Variants in CRTC1 observed in about 807,000 individuals in gnomAD.
CRTC1 encodes CREB regulated transcription coactivator 1.
CRTC1 carries 18 observed loss-of-function variants against 66.1 expected under a neutral mutation model. The ratio of observed to expected loss-of-function variants is 0.27; its 90% CI spans 0.19 to 0.40. The LOEUF (loss-of-function observed/expected upper bound fraction) is 0.40. Ranked by LOEUF, CRTC1 falls within the 10% of genes least tolerant of loss-of-function variation. The probability of loss-of-function intolerance (pLI) is 1.00; values close to 1 mark genes in which losing one functional copy is unlikely to be tolerated. For missense variants in CRTC1, 669 were observed against 887.9 expected (o/e 0.75, Z 3.13); for synonymous variants, 416 against 398.8 (o/e 1.04, Z -0.51).
intron 1 of CRTC1, among the ~76,000 whole-genome samples, chr19:18,725,831 C>T (rs565488176): frequency 1.3e-5 from 2 of 152,216 alleles, no homozygotes; most frequent in African/African-American, 4.8e-5. Context: ...TCGGCCCTCC[C>T]GTGTTCTGGA....
intron 8 of CRTC1, among the ~76,000 whole-genome samples, chr19:18,763,116 T>C (rs973621560): frequency 1.3e-5 from 2 of 152,188 alleles, no homozygotes; most frequent in Admixed American, 1.3e-4. Context: ...TTTTCTTTTT[T>C]TTGAGACAAA....
rs1276080157 is a variant in CRTC1 at position 18,753,601 on chromosome 19, C to T, written c.624+16C>T. Reference sequence around the variant, plus strand: ...CACCAAGAAGGTAAGAGCCTATGAGCTTTCAAAAACTTTTTTTCTTCTTTC... The same window carrying T: ...CACCAAGAAGGTAAGAGCCTATGAGTTTTCAAAAACTTTTTTTCTTCTTTC... On this transcript the variant is annotated intron_variant, in intron 6 of 13. Transcript: ENST00000321949. 4 of 1,579,074 alleles carry T rather than the reference C, an allele frequency of 2.5e-6. No individual in the cohort carries two copies. Among genetic ancestry groups the T allele is most frequent in the Non-Finnish European group, 1.7e-6 (2 of 1,158,058 alleles).
intron 1 of CRTC1, among the ~76,000 whole-genome samples, chr19:18,688,103 C>T (rs554328440): frequency 6.6e-6 from 1 of 152,086 alleles, no homozygotes; most frequent in Non-Finnish European, 1.5e-5. Context: ...GCATACGGGG[C>T]TGTGTTCTTG....
chr19:18,721,193 C>CTT, intron 1 of CRTC1, among the ~76,000 whole-genome samples: 2 of 131,980 alleles, frequency 1.5e-5, no homozygotes, highest in Non-Finnish European at 3.1e-5. Context: ...AGTTCAACCT[C>CTT]TGTTTTTTTT....
chr19:18,699,499 G>A (rs1430515802), intron 1 of CRTC1, among the ~76,000 whole-genome samples: 1 of 152,154 alleles, frequency 6.6e-6, no homozygotes, highest in African/African-American at 2.4e-5. Context: ...GGGGTGGCCC[G>A]GTGAGTTCTC....
chr19:18,782,276 T>G lies in CRTC1; in HGVS notation c.*4894T>G. On this transcript the variant is annotated 3_prime_UTR_variant, in exon 14 of 14. Transcript: ENST00000321949. ...CCATCCTCTGGCAGGGCTGCTTTTGTCTTTGTACCTTTGCATCCTTTGTAA... is the reference window on the plus strand; with the variant it reads ...CCATCCTCTGGCAGGGCTGCTTTTGGCTTTGTACCTTTGCATCCTTTGTAA... The G allele has an allele frequency of 4.5e-6, 1 of 221,686 alleles. No individual in the cohort carries two copies. The highest frequency in any genetic ancestry group is 9.0e-6 in the Non-Finnish European group (1 of 110,508). The allele number at this position is 221,686 out of a possible 1,614,324, so 13.7% of individuals were successfully genotyped here.
chr19:18,765,898 C>G, intron 9 of CRTC1, among the ~76,000 whole-genome samples: 1 of 151,958 alleles, frequency 6.6e-6, no homozygotes, highest in East Asian at 1.9e-4. Context: ...GGGGTGGAGG[C>G]TGCAGTGAGC....
chr19:18,747,094 C>T lies in CRTC1; in HGVS notation c.423C>T (p.Pro141=), dbSNP rs777137375. ...ATGGCACCATGTACCTCTCACCACC[C>T]GCGGACACCAGCTGGAGAAGGTCAG... is the stretch of plus-strand genomic sequence containing the variant. ...CPYGTMYLSP[P]ADTSWRRTNS... is the part of the protein sequence containing the mutation. The change falls in exon 4 of 14, where the codon CCC becomes CCT. Residue 141 remains proline (P), a synonymous_variant. Coordinates refer to ENST00000321949, the MANE Select transcript of CRTC1 (RefSeq NM_015321.3). 68 of 1,612,170 alleles carry T rather than the reference C, an allele frequency of 4.2e-5. No homozygotes were observed. The highest frequency in any genetic ancestry group is 1.2e-4 in the Admixed American group (7 of 59,864).
intron 1 of CRTC1, among the ~76,000 whole-genome samples, chr19:18,726,135 G>C (rs953957745): frequency 3.3e-5 from 5 of 152,250 alleles, no homozygotes; most frequent in Non-Finnish European, 7.3e-5. Flanking sequence ...TCTGCGTTCT[G>C]GATGATTTCC....
At chr19:18,708,077 G>T (rs1349508918) in intron 1 of CRTC1, among the ~76,000 whole-genome samples, 1 of 152,200 alleles carries the variant, frequency 6.6e-6, no homozygotes, top group Non-Finnish European at 1.5e-5. Context: ...GACATTAGGG[G>T]TGAGGTCCGA....
intron 1 of CRTC1, among the ~76,000 whole-genome samples, chr19:18,696,538 T>G (rs1231727582): frequency 6.6e-6 from 1 of 152,160 alleles, no homozygotes. Context: ...GGAGGTCACA[T>G]GGCTGACGGT....
chr19:18,712,337 T>C (rs893136861), intron 1 of CRTC1, among the ~76,000 whole-genome samples: 1 of 152,092 alleles, frequency 6.6e-6, no homozygotes, highest in African/African-American at 2.4e-5. Context: ...TGGTTCACTG[T>C]AGCCTCCACC....
At chr19:18,684,437 G>A (rs911408398) in intron 1 of CRTC1, among the ~76,000 whole-genome samples, 2 of 152,088 alleles carry the variant, frequency 1.3e-5, no homozygotes, top group Non-Finnish European at 2.9e-5. Flanking sequence ...GGTGTTGGGG[G>A]AGGAACGGAT....
At chr19:18,697,535 TC>T (rs1279196735) in intron 1 of CRTC1, among the ~76,000 whole-genome samples, 1 of 152,184 alleles carries the variant, frequency 6.6e-6, no homozygotes, top group Non-Finnish European at 1.5e-5. Flanking sequence ...GTCTCCAACT[TC>T]TGACCTCAAG....
chr19:18,726,650 G>A (rs2053759135), intron 1 of CRTC1, among the ~76,000 whole-genome samples: 1 of 152,186 alleles, frequency 6.6e-6, no homozygotes, highest in Non-Finnish European at 1.5e-5. Context: ...GACAAAGGCT[G>A]GGCGTGGTGG....
At chr19:18,759,936 G>GCCAGCCCCCTGTACCCCCCC in intron 7 of CRTC1, 72 bp from the exon 8 acceptor site, 1 of 1,243,972 alleles carries the variant, frequency 8.0e-7, no homozygotes, top group Non-Finnish European at 1.1e-6. Flanking sequence ...ATTTTCTCCC[G>GCCAGCCCCCTGTACCCCCCC]CCAGCCCCCT....
intron 1 of CRTC1, among the ~76,000 whole-genome samples, chr19:18,720,583 G>A (rs764314627): frequency 2.1e-5 from 3 of 141,326 alleles, no homozygotes; most frequent in Non-Finnish European, 4.5e-5. Flanking sequence ...AGTCAGGATG[G>A]TCTTGATCTC....
In CRTC1 at chr19:18,768,463, C is replaced by T. The variant is rs769664955; in HGVS notation, c.1012-22C>T. 1.2e-6 allele frequency: 2 copies of T among 1,603,876 alleles called. No homozygotes were observed. The highest frequency in any genetic ancestry group is 1.1e-5 in the South Asian group (1 of 90,676). On this transcript the variant is annotated intron_variant, in intron 9 of 13. Transcript: ENST00000321949. This position sits in a 1 kb window ranked among gnomAD's most constrained non-coding sequence, Gnocchi z 5.6. ...CGCTGACAACCAGGGCCCGCCCTGC[C>T]TGACGCTCTCCTCTCCTGCAGGCTG...
At position 18,731,830 on chromosome 19, in the gene CRTC1, C is replaced by G. The variant is rs1464707379; in HGVS notation, c.127-11080C>G. ...TGCCCCGGGGGGTGGGGGGAAGGCA[C>G]TGCTGGTCACCTTTGTACCACAGAC... On this transcript the variant is annotated intron_variant, in intron 1 of 13. Coordinates refer to ENST00000321949, the MANE Select transcript of CRTC1 (RefSeq NM_015321.3). Among the ~76,000 whole-genome samples the G allele has an allele frequency of 2.6e-5, 4 of 152,238 alleles. No individual in the cohort carries two copies. In the East Asian group the frequency reaches 5.8e-4, roughly 22 times the overall value.
Sources: allele counts gnomAD v4.1 joint callset (sites outside exome capture counted in the v4.1 genomes callset), GRCh38; gene constraint gnomAD v4.1.1; non-coding constraint Gnocchi (gnomAD v3.1); transcripts MANE v1.5; gene names NCBI Gene and HGNC (gene_info 2026-07-23, HGNC 2026-07-21).